TG: variants seen among roughly 807,000 people sequenced by gnomAD.
The protein encoded by TG is thyroid hormones.
Under a neutral mutation model 324.7 loss-of-function variants are expected in TG, and 270 were observed. The observed-to-expected ratio is 0.83, with a 90% CI of 0.75 to 0.92. The LOEUF is 0.92. TG is among the 40% of genes least tolerant of loss of function. The pLI, the probability that TG is intolerant of heterozygous loss-of-function variation, is 0.00. For synonymous variants in TG, 1,401 were observed against 1,327.0 expected (o/e 1.06, Z -1.21); for missense variants, 3,591 against 3,456.4 (o/e 1.04, Z -0.98).
chr8:133,002,292 T>G, intron 35 of TG: 1 of 985,456 alleles, frequency 1.0e-6, no homozygotes, highest in Non-Finnish European at 1.2e-6. Flanking sequence ...TGTGTAATTT[T>G]TTGGGCAATT....
chr8:132,987,967 A>C (rs535713563), intron 35 of TG, among the ~76,000 whole-genome samples: 94 of 152,010 alleles, frequency 6.2e-4, no homozygotes, highest in Non-Finnish European at 1.1e-3. Flanking sequence ...AGATTTCAGA[A>C]GTCTCCTCCA....
At chr8:133,094,747 C>G in intron 41 of TG, 1 of 465,584 alleles carries the variant, frequency 2.1e-6, no homozygotes. Flanking sequence ...ACCATCAGCC[C>G]TTTGCCTCTA....
intron 40 of TG, 24 bp from the exon 41 acceptor site, chr8:133,029,797 A>G (rs1446475522): frequency 6.2e-7 from 1 of 1,613,894 alleles, no homozygotes; most frequent in East Asian, 2.2e-5. Flanking sequence ...CACAAAGGAT[A>G]AAAGGCTTTC....
At chr8:133,104,640 A>G (rs1849634749) in intron 43 of TG, among the ~76,000 whole-genome samples, 1 of 152,242 alleles carries the variant, frequency 6.6e-6, no homozygotes, top group African/African-American at 2.4e-5. Context: ...AAAGGAAGCA[A>G]AAGTCAAATG....
At chr8:133,078,747 T>C (rs1447094072) in intron 41 of TG, among the ~76,000 whole-genome samples, 1 of 152,210 alleles carries the variant, frequency 6.6e-6, no homozygotes, top group Non-Finnish European at 1.5e-5. Flanking sequence ...TCATTACGTA[T>C]TTGCTGAATT....
At chr8:133,081,467 A>G (rs1409177231) in intron 41 of TG, among the ~76,000 whole-genome samples, 2 of 152,212 alleles carry the variant, frequency 1.3e-5, no homozygotes, top group South Asian at 4.1e-4. Flanking sequence ...ACATCTCCAA[A>G]GTTGGATCAG....
chr8:133,024,154 T>C (rs7843654), intron 40 of TG, among the ~76,000 whole-genome samples: 30,189 of 152,218 alleles, frequency 0.2, 3,318 homozygotes, highest in African/African-American at 0.26. Context: ...CAGTCACAAG[T>C]GGCATCCTGT....
At chr8:133,101,212 C>G (rs1429689931) in intron 43 of TG, among the ~76,000 whole-genome samples, 1 of 152,110 alleles carries the variant, frequency 6.6e-6, no homozygotes, top group Non-Finnish European at 1.5e-5. Flanking sequence ...AGGATTCTAC[C>G]CCACACAGAA....
intron 32 of TG, among the ~76,000 whole-genome samples, chr8:132,970,550 CTT>C (rs1022233766): frequency 2.2e-4 from 34 of 152,254 alleles, no homozygotes; most frequent in Non-Finnish European, 4.7e-4. Flanking sequence ...ATGAAGTGCT[CTT>C]GAGTTATGAC....
intron 41 of TG, among the ~76,000 whole-genome samples, chr8:133,077,831 ATC>A (rs1248991001): frequency 5.3e-5 from 8 of 151,794 alleles, no homozygotes; most frequent in Admixed American, 3.9e-4. Context: ...GTGCCACAGC[ATC>A]TCTGGACCTG....
At chr8:133,130,475 G>T (rs1851853721) in intron 45 of TG, among the ~76,000 whole-genome samples, 1 of 152,164 alleles carries the variant, frequency 6.6e-6, no homozygotes, top group Non-Finnish European at 1.5e-5. Flanking sequence ...AAGAAATGCA[G>T]CATCAGAAGG....
intron 26 of TG, among the ~76,000 whole-genome samples, chr8:132,943,894 T>A (rs1312642633): frequency 1.3e-5 from 2 of 152,176 alleles, no homozygotes; most frequent in African/African-American, 4.8e-5. Flanking sequence ...CTCCTTAAAC[T>A]GTGCCTTCTC....
At position 132,906,769 on chromosome 8, in the gene TG, G is replaced by C. The variant is rs767313444; in HGVS notation, c.3716G>C (p.Gly1239Ala). The C allele has an allele frequency of 5.0e-6, 8 of 1,614,212 alleles. No homozygotes were observed. Among genetic ancestry groups the C allele is most frequent in the Non-Finnish European group, 6.8e-6 (8 of 1,180,042 alleles). ...TGTGAGACAATCTCGGGCCCCACAG[G>C]CTCTGCCATGCAGCAGTGCCAATTG... The part of the protein sequence containing the change: ...ILCETISGPT[G>A]SAMQQCQLLC... The change falls in exon 17 of 48, where the codon GGC (glycine) becomes GCC (alanine). Residue 1239 changes from glycine (G) to alanine (A), a missense_variant. Coordinates refer to ENST00000220616, the MANE Select transcript of TG (RefSeq NM_003235.5).
chr8:132,910,933 C>G (rs953343846), intron 18 of TG, among the ~76,000 whole-genome samples: 5 of 152,182 alleles, frequency 3.3e-5, no homozygotes, highest in Non-Finnish European at 7.3e-5. Context: ...CAGTACATCA[C>G]TCACAGAAAT....
chr8:133,055,919 G>A (rs752504178), intron 41 of TG, among the ~76,000 whole-genome samples: 11 of 152,008 alleles, frequency 7.2e-5, no homozygotes, highest in Admixed American at 4.6e-4. Flanking sequence ...TGGTGGTACC[G>A]AGGTTACCCC....
chr8:132,995,146 T>G, intron 35 of TG: 1 of 971,152 alleles, frequency 1.0e-6, no homozygotes, highest in Non-Finnish European at 1.2e-6. Context: ...CTGTTCTAAT[T>G]CTATTCCTAC....
chr8:133,020,943 G>A (rs1835505403), intron 39 of TG, among the ~76,000 whole-genome samples: 1 of 152,168 alleles, frequency 6.6e-6, no homozygotes, highest in Admixed American at 6.5e-5. Flanking sequence ...TATGTGGAGT[G>A]GTGATGTCAC....
chr8:133,038,820 A>G, intron 41 of TG: 1 of 833,144 alleles, frequency 1.2e-6, no homozygotes, highest in Non-Finnish European at 1.9e-6. Context: ...CAAGAGAATG[A>G]GAACAGGAGG....
intron 35 of TG, among the ~76,000 whole-genome samples, chr8:133,008,492 A>G (rs9969601): frequency 0.25 from 37,361 of 152,120 alleles, 4,616 homozygotes; most frequent in Non-Finnish European, 0.26. Context: ...TCTATGAACT[A>G]AAAATAGAAA....
Sources: gnomAD v4.1 joint callset for allele counts (sites outside exome capture counted in the v4.1 genomes callset) on GRCh38, gnomAD v4.1.1 for gene constraint, MANE v1.5 for transcripts, NCBI Gene and HGNC (gene_info 2026-07-23, HGNC 2026-07-21) for gene names.